Variants in PARM1 observed in about 807,000 individuals in gnomAD.
The protein encoded by PARM1 is prostate androgen-regulated mucin-like protein 1, also known as WSC4, cell wall integrity and stress response component 4 homolog.
Under a neutral mutation model 24.6 loss-of-function variants are expected in PARM1, and 14 were observed. The observed-to-expected ratio is 0.57, with a 90% CI of 0.38 to 0.89. The LOEUF (loss-of-function observed/expected upper bound fraction) is 0.89. PARM1 is among the 40% of genes least tolerant of loss of function. The pLI is 0.00. For synonymous variants in PARM1, 179 were observed against 156.6 expected (o/e 1.14, Z -1.07); for missense variants, 362 against 380.4 (o/e 0.95, Z 0.40).
At chr4:74,981,643 G>A (rs186443217) in intron 1 of PARM1, among the ~76,000 whole-genome samples, 40 of 152,148 alleles carry the variant, frequency 2.6e-4, no homozygotes, top group African/African-American at 6.7e-4. Flanking sequence ...TTGGGAGACC[G>A]AGGCGAGTGG....
chr4:74,940,003 A>T (rs1264223998), intron 1 of PARM1, among the ~76,000 whole-genome samples: 1 of 152,186 alleles, frequency 6.6e-6, no homozygotes, highest in Admixed American at 6.5e-5. Context: ...GGTGTTAAAC[A>T]TGAAAGGAAT....
chr4:74,963,533 G>A (rs929844266), intron 1 of PARM1, among the ~76,000 whole-genome samples: 8 of 152,170 alleles, frequency 5.3e-5, no homozygotes, highest in Non-Finnish European at 1.0e-4. Flanking sequence ...ACATTTTGCT[G>A]AGTGAATGAA....
chr4:74,982,651 A>G (rs1176674916), intron 1 of PARM1, among the ~76,000 whole-genome samples: 1 of 152,146 alleles, frequency 6.6e-6, no homozygotes. Context: ...CTGTGCCACC[A>G]TTGTTGAATG....
At chr4:74,971,740 C>G (rs988102592) in intron 1 of PARM1, among the ~76,000 whole-genome samples, 13 of 152,182 alleles carry the variant, frequency 8.5e-5, no homozygotes, top group South Asian at 2.1e-4. Flanking sequence ...ACTCCATCAC[C>G]TACTTGCACT....
intron 1 of PARM1, among the ~76,000 whole-genome samples, chr4:74,973,868 G>A (rs1273662442): frequency 6.6e-6 from 1 of 152,014 alleles, no homozygotes; most frequent in Non-Finnish European, 1.5e-5. Context: ...GTGTGTGTGT[G>A]TGTCTGTGTG....
intron 1 of PARM1, among the ~76,000 whole-genome samples, chr4:74,985,305 G>C (rs1722330612): frequency 6.6e-6 from 1 of 152,154 alleles, no homozygotes; most frequent in Non-Finnish European, 1.5e-5. Flanking sequence ...GTGTCACCAT[G>C]ACCTACTTAA....
chr4:75,044,537 G>A (rs1285868336), intron 3 of PARM1, among the ~76,000 whole-genome samples: 3 of 152,282 alleles, frequency 2.0e-5, no homozygotes, highest in East Asian at 3.9e-4. Context: ...AACACAGCAG[G>A]CAAATAATCC....
At position 75,048,709 on chromosome 4, in the gene PARM1, A is replaced by C. The variant is rs1436590724; in HGVS notation, c.*2462A>C. 1 of 152,570 alleles carries C rather than the reference A, an allele frequency of 6.6e-6. No individual in the cohort carries two copies. Among genetic ancestry groups the C allele is most frequent in the Non-Finnish European group, 1.5e-5 (1 of 68,032 alleles). The allele number at this position is 152,570 out of a possible 1,614,324, so 9.5% of individuals were successfully genotyped here. ...CGAAAGGCTGCTATTGTGCAAGGGCACATAATGGGTCTGTTGCTCTTATTG... is the reference window on the plus strand; with the variant it reads ...CGAAAGGCTGCTATTGTGCAAGGGCCCATAATGGGTCTGTTGCTCTTATTG... On this transcript the variant is annotated 3_prime_UTR_variant, in exon 4 of 4. Transcript: ENST00000307428.
At chr4:75,006,062 A>G (rs2109789923) in intron 1 of PARM1, among the ~76,000 whole-genome samples, 1 of 152,328 alleles carries the variant, frequency 6.6e-6, no homozygotes. Context: ...ATATCTTCTC[A>G]AGGAAATACT....
At chr4:74,984,838 A>T (rs1432881199) in intron 1 of PARM1, among the ~76,000 whole-genome samples, 1 of 152,204 alleles carries the variant, frequency 6.6e-6, no homozygotes, top group Non-Finnish European at 1.5e-5. Context: ...GTTAAAGAAA[A>T]GCACACTAAG....
chr4:74,934,915 T>A (rs1721144661), intron 1 of PARM1, among the ~76,000 whole-genome samples: 1 of 152,158 alleles, frequency 6.6e-6, no homozygotes, highest in Non-Finnish European at 1.5e-5. Flanking sequence ...TAAACAGCTC[T>A]GGCAGTTGTC....
chr4:75,046,198 A>G lies in PARM1; in HGVS notation c.884A>G (p.Asp295Gly), dbSNP rs965571188. The change falls in exon 4 of 4, where the codon GAC becomes GGC. Residue 295 changes from aspartate to glycine, a missense_variant. Transcript: ENST00000307428. ...TATGGAAGACTTTTGGACGACCATG[A>G]CTACGGGTCCTGGGGAAACTACAAC... ...SSYGRLLDDH[D>G]YGSWGNYNNP... The G allele has an allele frequency of 3.1e-6, 5 of 1,613,232 alleles. No individual in the cohort carries two copies. Among genetic ancestry groups the G allele is most frequent in the East Asian group, 2.2e-5 (1 of 44,874 alleles).
At chr4:74,936,453 G>T (rs55770743) in intron 1 of PARM1, among the ~76,000 whole-genome samples, 128,069 of 142,954 alleles carry the variant, frequency 0.9, 56,901 homozygotes, top group East Asian at 1. Flanking sequence ...TTTTTTGTTT[G>T]TTTTTTTGTT....
intron 1 of PARM1, among the ~76,000 whole-genome samples, chr4:74,952,919 T>C (rs1241389313): frequency 1.3e-5 from 2 of 152,248 alleles, no homozygotes; most frequent in Non-Finnish European, 2.9e-5. Context: ...ATTAGAAGTC[T>C]TTAAAAGAAG....
chr4:75,026,678 C>T (rs1723187676), intron 2 of PARM1, among the ~76,000 whole-genome samples: 2 of 152,154 alleles, frequency 1.3e-5, no homozygotes, highest in Non-Finnish European at 1.5e-5. Flanking sequence ...AGTACTCAAC[C>T]ATTTACATGA....
At chr4:75,028,264 G>A (rs1344466459) in intron 2 of PARM1, among the ~76,000 whole-genome samples, 1 of 152,172 alleles carries the variant, frequency 6.6e-6, no homozygotes, top group Non-Finnish European at 1.5e-5. Flanking sequence ...AGAATGAAGA[G>A]CCTAGCATAA....
intron 2 of PARM1, among the ~76,000 whole-genome samples, chr4:75,025,264 TG>T (rs920552250): frequency 2.6e-5 from 4 of 152,174 alleles, no homozygotes; most frequent in African/African-American, 4.8e-5. Context: ...CCTTTTGATC[TG>T]GGGAGCACCA....
intron 1 of PARM1, among the ~76,000 whole-genome samples, chr4:74,984,857 G>A (rs1290545590): frequency 6.6e-6 from 1 of 152,166 alleles, no homozygotes; most frequent in Non-Finnish European, 1.5e-5. Context: ...AGAAGAATAT[G>A]CAGTAGAGAC....
intron 1 of PARM1, among the ~76,000 whole-genome samples, chr4:74,938,119 A>G (rs1025965358): frequency 9.2e-5 from 14 of 152,236 alleles, no homozygotes; most frequent in Non-Finnish European, 2.9e-5. Flanking sequence ...AACAATAGCA[A>G]TAATCAATAA....
Sources: allele counts gnomAD v4.1 joint callset (sites outside exome capture counted in the v4.1 genomes callset), GRCh38; gene constraint gnomAD v4.1.1; transcripts MANE v1.5; gene names NCBI Gene and HGNC (gene_info 2026-07-23, HGNC 2026-07-21).